Variants in DOCK2 observed in about 807,000 individuals in gnomAD.
DOCK2 encodes dedicator of cytokinesis 2, also known as dedicator of cytokinesis protein 2.
In DOCK2, 87 loss-of-function variants were observed where a neutral mutation model predicts 248.9. The observed-to-expected ratio is 0.35, with a 90% CI of 0.29 to 0.42. The LOEUF is 0.42. DOCK2 is among the 10% of genes least tolerant of loss of function. DOCK2 has a pLI of 1.00. For missense variants in DOCK2, 1,747 were observed against 2,300.2 expected (o/e 0.76, Z 4.92); for synonymous variants, 805 against 821.6 (o/e 0.98, Z 0.35).
At chr5:169,856,631 A>C (rs1304505223) in intron 27 of DOCK2, among the ~76,000 whole-genome samples, 2 of 152,232 alleles carry the variant, frequency 1.3e-5, no homozygotes, top group African/African-American at 4.8e-5. Context: ...AAGCACACCA[A>C]AGACAATGAC....
At chr5:169,753,774 A>G (rs942192285) in intron 23 of DOCK2, among the ~76,000 whole-genome samples, 2 of 152,162 alleles carry the variant, frequency 1.3e-5, no homozygotes, top group South Asian at 2.1e-4. Flanking sequence ...TGCCTGAGAG[A>G]TTAGTGATGA....
Position 169,989,917 on chromosome 5 carries a change from C to G in DOCK2, c.2993+3995C>G, listed in dbSNP as rs554030647. Among the ~76,000 whole-genome samples the G allele has an allele frequency of 1.9e-3, 293 of 152,276 alleles. 1 individual carries two copies. Among genetic ancestry groups the G allele is most frequent in the Non-Finnish European group, 3.5e-3 (241 of 68,004 alleles). The stretch of plus-strand genomic sequence containing the variant: ...AAACTACTTCACTGAAGCAGCAAAT[C>G]TGGGCTGGATCTTGTCTACCTTTTC... On this transcript the variant is annotated intron_variant, in intron 29 of 51. Transcript: ENST00000520908.
chr5:169,754,613 C>T (rs1764090977), intron 23 of DOCK2, among the ~76,000 whole-genome samples: 1 of 152,210 alleles, frequency 6.6e-6, no homozygotes, highest in African/African-American at 2.4e-5. Flanking sequence ...TCCAAATTAG[C>T]CTTCTCGCCC....
At chr5:169,960,232 G>C (rs1211919590) in intron 27 of DOCK2, among the ~76,000 whole-genome samples, 1 of 152,224 alleles carries the variant, frequency 6.6e-6, no homozygotes, top group East Asian at 1.9e-4. Flanking sequence ...ACAGAAAGCT[G>C]TGTATGCCTT....
At chr5:169,941,547 G>A (rs1316408145) in intron 27 of DOCK2, among the ~76,000 whole-genome samples, 2 of 152,320 alleles carry the variant, frequency 1.3e-5, no homozygotes, top group Admixed American at 6.5e-5. Context: ...AAAGGAGAGT[G>A]CAAGAGGTGG....
At chr5:169,771,204 G>C (rs79072571) in intron 25 of DOCK2, among the ~76,000 whole-genome samples, 2,459 of 152,318 alleles carry the variant, frequency 0.016, 71 homozygotes, top group African/African-American at 0.057. Context: ...CACCAGTAAT[G>C]CTGAAAATCC....
chr5:169,708,599 C>G (rs929123502), intron 15 of DOCK2, among the ~76,000 whole-genome samples: 9 of 150,062 alleles, frequency 6.0e-5, no homozygotes, highest in Non-Finnish European at 1.2e-4. Context: ...GAGTCTCACT[C>G]TGTTGCCCAG....
At chr5:169,848,544 C>T (rs1331246150) in intron 27 of DOCK2, among the ~76,000 whole-genome samples, 1 of 152,212 alleles carries the variant, frequency 6.6e-6, no homozygotes. Context: ...CTCCTGCCAC[C>T]CCAGTGATGG....
chr5:169,830,683 C>T (rs1209935528), intron 26 of DOCK2, among the ~76,000 whole-genome samples: 1 of 152,158 alleles, frequency 6.6e-6, no homozygotes, highest in Non-Finnish European at 1.5e-5. Flanking sequence ...TTAATAAAAA[C>T]CCTTGCAAAG....
chr5:170,039,497 G>A (rs956232514), intron 36 of DOCK2, among the ~76,000 whole-genome samples: 6 of 152,180 alleles, frequency 3.9e-5, no homozygotes, highest in African/African-American at 7.2e-5. Flanking sequence ...CTGGATGCCC[G>A]GTACAGCTTT....
chr5:169,677,790 A>G (rs370942908), intron 6 of DOCK2, among the ~76,000 whole-genome samples: 19 of 152,326 alleles, frequency 1.2e-4, no homozygotes, highest in African/African-American at 3.4e-4. Context: ...AAGTGACTTT[A>G]TTTCCGAAGC....
At chr5:170,080,546 A>G (rs958977964) in intron 50 of DOCK2, 6 of 459,380 alleles carry the variant, frequency 1.3e-5, no homozygotes, top group African/African-American at 5.9e-5. Context: ...CTGAGCATCC[A>G]TTTGTCACAC....
chr5:170,013,414 G>A (rs1235909011), intron 32 of DOCK2, among the ~76,000 whole-genome samples: 1 of 152,090 alleles, frequency 6.6e-6, no homozygotes, highest in Admixed American at 6.5e-5. Flanking sequence ...TCTTGAAGAT[G>A]GGGAGTGTCT....
At chr5:169,934,878 C>A in intron 27 of DOCK2, 1 of 364,562 alleles carries the variant, frequency 2.7e-6, no homozygotes. Context: ...ACAACTTTAA[C>A]CACCTTACAC....
At chr5:169,984,863 C>T (rs1778025669) in intron 28 of DOCK2, among the ~76,000 whole-genome samples, 1 of 152,210 alleles carries the variant, frequency 6.6e-6, no homozygotes, top group Non-Finnish European at 1.5e-5. Flanking sequence ...TTCACTACCT[C>T]CAGCTCAAAA....
At chr5:169,958,403 C>A (rs1347823976) in intron 27 of DOCK2, among the ~76,000 whole-genome samples, 1 of 152,156 alleles carries the variant, frequency 6.6e-6, no homozygotes, top group Non-Finnish European at 1.5e-5. Context: ...AGAAAATCTG[C>A]AAACTCCATC....
At chr5:169,810,516 G>A (rs899784815) in intron 26 of DOCK2, among the ~76,000 whole-genome samples, 3 of 152,204 alleles carry the variant, frequency 2.0e-5, no homozygotes, top group African/African-American at 7.2e-5. Context: ...TTATTGTAAG[G>A]TAGCTTGAGT....
At chr5:169,748,800 AT>A (rs749060797) in intron 23 of DOCK2, among the ~76,000 whole-genome samples, 7 of 152,250 alleles carry the variant, frequency 4.6e-5, no homozygotes, top group Non-Finnish European at 8.8e-5. Context: ...GGTATAAATG[AT>A]TAAAAATGAT....
Position 169,763,221 on chromosome 5 carries a change from TTTAAAG to T in DOCK2, c.2554+1599_2554+1604del, listed in dbSNP as rs1764584845. 6.6e-6 allele frequency among the ~76,000 whole-genome samples: 1 copy of T among 152,188 alleles called. No homozygotes were observed. The highest frequency in any genetic ancestry group is 2.1e-4 in the South Asian group (1 of 4,828). On this transcript the variant is annotated intron_variant, in intron 25 of 51. Coordinates refer to ENST00000520908, the MANE Select transcript of DOCK2 (RefSeq NM_004946.3). The surrounding 1 kb of genome is among the most constrained non-coding windows in gnomAD (Gnocchi z 4.1). ...CTTTTTAAAGTGAGACTTCCATGGT[TTTAAAG>T]TTCTGATTTCCACCTCCAAATAAAT...
Sources: gnomAD v4.1 joint callset for allele counts (sites outside exome capture counted in the v4.1 genomes callset) on GRCh38, gnomAD v4.1.1 for gene constraint, Gnocchi (gnomAD v3.1) non-coding constraint, MANE v1.5 for transcripts, NCBI Gene and HGNC (gene_info 2026-07-23, HGNC 2026-07-21) for gene names.